Variants in ABHD17C observed in about 807,000 individuals in gnomAD.
ABHD17C encodes the protein abhydrolase domain containing 17C, depalmitoylase.
ABHD17C carries 11 observed loss-of-function variants against 27.9 expected under a neutral mutation model. The ratio of observed to expected loss-of-function variants is 0.39; its 90% CI spans 0.25 to 0.65. The LOEUF is 0.65. Ranked by LOEUF, ABHD17C falls within the 30% of genes least tolerant of loss-of-function variation. The pLI, the probability that ABHD17C is intolerant of heterozygous loss-of-function variation, is 0.45. For synonymous variants in ABHD17C, 233 were observed against 209.1 expected (o/e 1.11, Z -0.98); for missense variants, 280 against 470.2 (o/e 0.60, Z 3.74).
intron 1 of ABHD17C, chr15:80,705,130 GC>G (rs1022300629): frequency 6.6e-6 from 1 of 152,574 alleles, no homozygotes; most frequent in Non-Finnish European, 1.5e-5. Flanking sequence ...AGGGAAGATG[GC>G]CAAAACTTGA....
intron 1 of ABHD17C, among the ~76,000 whole-genome samples, chr15:80,727,711 C>T (rs1895000467): frequency 6.6e-6 from 1 of 151,966 alleles, no homozygotes; most frequent in South Asian, 2.1e-4. Context: ...GGCCAATGAC[C>T]AGTCGGGTGA....
intron 1 of ABHD17C, among the ~76,000 whole-genome samples, chr15:80,709,500 A>G (rs1056091318): frequency 4.0e-5 from 6 of 151,774 alleles, no homozygotes; most frequent in Non-Finnish European, 8.8e-5. Flanking sequence ...AAAAAAAAAA[A>G]ACAAAAAAAC....
At chr15:80,723,568 C>CCA (rs1894928481) in intron 1 of ABHD17C, among the ~76,000 whole-genome samples, 1 of 152,152 alleles carries the variant, frequency 6.6e-6, no homozygotes. Flanking sequence ...TATCAGTGTT[C>CCA]CACAGTTTAT....
intron 1 of ABHD17C, among the ~76,000 whole-genome samples, chr15:80,700,502 T>C (rs1894556928): frequency 6.6e-6 from 1 of 152,174 alleles, no homozygotes; most frequent in Non-Finnish European, 1.5e-5. Context: ...AGAAAGCAGA[T>C]GCAGAGGGAA....
intron 1 of ABHD17C, among the ~76,000 whole-genome samples, chr15:80,705,762 G>A (rs185498999): frequency 4.6e-5 from 7 of 152,268 alleles, no homozygotes; most frequent in South Asian, 2.1e-4. Context: ...TGTAGCTAAG[G>A]GGGAAGTCTC....
intron 1 of ABHD17C, among the ~76,000 whole-genome samples, chr15:80,712,261 C>T (rs1225899450): frequency 6.6e-6 from 1 of 152,192 alleles, no homozygotes; most frequent in Admixed American, 6.5e-5. Context: ...GGTTGAATCA[C>T]TGTAAGAGGT....
At chr15:80,728,684 C>T (rs1895016501) in intron 1 of ABHD17C, among the ~76,000 whole-genome samples, 1 of 152,294 alleles carries the variant, frequency 6.6e-6, no homozygotes, top group East Asian at 1.9e-4. Context: ...AAACTTAGGG[C>T]CTTCTGGCAT....
chr15:80,700,377 C>T (rs1409967652), intron 1 of ABHD17C, among the ~76,000 whole-genome samples: 1 of 152,162 alleles, frequency 6.6e-6, no homozygotes, highest in Non-Finnish European at 1.5e-5. Flanking sequence ...ACTTAGGTGT[C>T]TGCTGATGCC....
rs140741176 is a variant in ABHD17C at position 80,754,640 on chromosome 15, C to G, written c.*270C>G. On this transcript the variant is annotated 3_prime_UTR_variant, in exon 3 of 3. Transcript: ENST00000258884. ...GAGAGCTGAATGTAGGGACAATTTT[C>G]TAGTGCTGTATAAAGTAGCCTCGCA... The G allele has an allele frequency of 2.5e-6, 1 of 401,464 alleles. No individual in the cohort carries two copies. Among genetic ancestry groups the G allele is most frequent in the African/African-American group, 2.0e-5 (1 of 49,768 alleles). The allele number at this position is 401,464 out of a possible 1,614,324, so 24.9% of individuals were successfully genotyped here.
At chr15:80,724,321 C>T (rs1490774207) in intron 1 of ABHD17C, among the ~76,000 whole-genome samples, 3 of 152,154 alleles carry the variant, frequency 2.0e-5, no homozygotes, top group African/African-American at 7.2e-5. Flanking sequence ...GAGCAAGACC[C>T]TGTCTCCTCC....
At chr15:80,719,703 C>A (rs1347959135) in intron 1 of ABHD17C, among the ~76,000 whole-genome samples, 4 of 152,154 alleles carry the variant, frequency 2.6e-5, no homozygotes, top group South Asian at 2.1e-4. Flanking sequence ...ATGTGTACTC[C>A]AATCATGGCT....
At chr15:80,700,116 G>A (rs1053594276) in intron 1 of ABHD17C, among the ~76,000 whole-genome samples, 10 of 152,160 alleles carry the variant, frequency 6.6e-5, no homozygotes, top group African/African-American at 2.4e-4. Context: ...TGGTTAAGGT[G>A]GGAGTAGGCA....
intron 2 of ABHD17C, among the ~76,000 whole-genome samples, chr15:80,751,358 T>A (rs747971544): frequency 4.2e-4 from 64 of 151,896 alleles, no homozygotes; most frequent in Admixed American, 8.5e-4. Context: ...AGATTCTGTC[T>A]CCAAAGGAAA....
intron 1 of ABHD17C, among the ~76,000 whole-genome samples, chr15:80,709,713 C>T (rs192014358): frequency 4.0e-4 from 61 of 152,234 alleles, no homozygotes; most frequent in African/African-American, 1.1e-3. Context: ...TCATTGTTCT[C>T]CTCCTCCACC....
At chr15:80,745,821 A>G (rs950770136) in intron 1 of ABHD17C, among the ~76,000 whole-genome samples, 1 of 152,220 alleles carries the variant, frequency 6.6e-6, no homozygotes. Flanking sequence ...TACATATTCT[A>G]CAGCACAACC....
intron 1 of ABHD17C, chr15:80,703,282 G>C (rs77919991): frequency 0.089 from 13,550 of 152,310 alleles, 845 homozygotes; most frequent in Middle Eastern, 0.18. Flanking sequence ...ACCCGTTAAG[G>C]GTCCCACTTC....
chr15:80,722,146 G>A (rs552887348), intron 1 of ABHD17C, among the ~76,000 whole-genome samples: 174 of 151,976 alleles, frequency 1.1e-3, no homozygotes, highest in African/African-American at 4.1e-3. Context: ...CACACCTTCA[G>A]TTACCGAGAA....
rs1478510365 is a variant in ABHD17C, at chr15:80,754,372, GACA to G, written c.*8_*10del. The G allele has an allele frequency of 2.5e-6, 4 of 1,608,706 alleles. No homozygotes were observed. Among genetic ancestry groups the G allele is most frequent in the African/African-American group, 2.7e-5 (2 of 74,936 alleles). ...TCTCACGAACTTCCTAATTCCTGAA[GACA>G]ACAACTTGATCTTACCTCATTTACT... On this transcript the variant is annotated 3_prime_UTR_variant, in exon 3 of 3. Transcript: ENST00000258884.
chr15:80,696,080 C>T (rs1248346442), intron 1 of ABHD17C, 61 bp downstream of exon 1: 30 of 1,462,874 alleles, frequency 2.1e-5, no homozygotes, highest in East Asian at 4.9e-5. Context: ...GTGGGGGTCT[C>T]TTGGGGCCCC....
Sources: gnomAD v4.1 joint callset for allele counts (sites outside exome capture counted in the v4.1 genomes callset) on GRCh38, gnomAD v4.1.1 for gene constraint, MANE v1.5 for transcripts, NCBI Gene and HGNC (gene_info 2026-07-23, HGNC 2026-07-21) for gene names.